Variants in TAFA1 observed in about 807,000 individuals in gnomAD.
The protein encoded by TAFA1 is TAFA chemokine like family member 1, also known as chemokine-like protein TAFA-1.
In TAFA1, 4 loss-of-function variants were observed where a neutral mutation model predicts 18.5. The ratio of observed to expected loss-of-function variants is 0.22; its 90% CI spans 0.11 to 0.49. TAFA1 has a LOEUF of 0.49. Among genes scored for constraint, TAFA1 ranks in the 20% least tolerant of loss-of-function variants. TAFA1 has a pLI of 0.98. For missense variants in TAFA1, 147 were observed against 169.0 expected (o/e 0.87, Z 0.72); for synonymous variants, 56 against 55.2 (o/e 1.01, Z -0.06).
intron 2 of TAFA1, among the ~76,000 whole-genome samples, chr3:68,383,552 C>G (rs566625234): frequency 6.6e-6 from 1 of 151,998 alleles, no homozygotes; most frequent in African/African-American, 2.4e-5. Flanking sequence ...GGTGGAGAAG[C>G]TCTTACGATG....
At chr3:68,089,421 G>C (rs1438676602) in intron 2 of TAFA1, among the ~76,000 whole-genome samples, 2 of 152,174 alleles carry the variant, frequency 1.3e-5, no homozygotes, top group Non-Finnish European at 2.9e-5. Context: ...ACAGATTGGT[G>C]ATTAATTAGT....
intron 2 of TAFA1, among the ~76,000 whole-genome samples, chr3:68,025,158 G>A (rs147017389): frequency 6.6e-6 from 1 of 152,148 alleles, no homozygotes; most frequent in African/African-American, 2.4e-5. Context: ...TACTCACATC[G>A]AAAACCTAGA....
At chr3:68,389,688 A>T (rs1424557369) in intron 2 of TAFA1, among the ~76,000 whole-genome samples, 1 of 152,060 alleles carries the variant, frequency 6.6e-6, no homozygotes, top group African/African-American at 2.4e-5. Context: ...GACTGGTTAG[A>T]CAGTGGGCGC....
At chr3:68,292,251 T>C (rs1406987977) in intron 2 of TAFA1, among the ~76,000 whole-genome samples, 7 of 152,042 alleles carry the variant, frequency 4.6e-5, no homozygotes, top group Non-Finnish European at 1.0e-4. Flanking sequence ...AAGGCATCTG[T>C]CCTCTTTTCC....
At chr3:68,121,999 C>T (rs1361221274) in intron 2 of TAFA1, among the ~76,000 whole-genome samples, 1 of 152,126 alleles carries the variant, frequency 6.6e-6, no homozygotes, top group Non-Finnish European at 1.5e-5. Flanking sequence ...AAACAAAGCA[C>T]TCTGCTAGGC....
At chr3:68,084,249 A>T (rs962811353) in intron 2 of TAFA1, among the ~76,000 whole-genome samples, 1 of 152,254 alleles carries the variant, frequency 6.6e-6, no homozygotes, top group Non-Finnish European at 1.5e-5. Flanking sequence ...TTATTTTTAT[A>T]TGTGTAAAAT....
At chr3:67,994,940 G>A in the TAFA1 span, among the ~76,000 whole-genome samples, 1 of 152,034 alleles carries the variant, frequency 6.6e-6, no homozygotes, top group Non-Finnish European at 1.5e-5. Flanking sequence ...GGTTACATAA[G>A]TGAAAATCAG....
At chr3:68,535,411 T>G (rs1575959692) in intron 3 of TAFA1, among the ~76,000 whole-genome samples, 1 of 151,522 alleles carries the variant, frequency 6.6e-6, no homozygotes, top group South Asian at 2.1e-4. Context: ...CTTTAAACTC[T>G]CAATCATTCT....
At chr3:68,501,683 G>A (rs1192768516) in intron 3 of TAFA1, among the ~76,000 whole-genome samples, 1 of 152,040 alleles carries the variant, frequency 6.6e-6, no homozygotes, top group Non-Finnish European at 1.5e-5. Context: ...TGTGGTCAGT[G>A]GATAATTTAC....
intron 2 of TAFA1, among the ~76,000 whole-genome samples, chr3:68,082,138 T>C (rs996867103): frequency 6.6e-6 from 1 of 152,184 alleles, no homozygotes; most frequent in African/African-American, 2.4e-5. Context: ...CCCTTGCGCT[T>C]CCCAAGTGAG....
intron 2 of TAFA1, among the ~76,000 whole-genome samples, chr3:68,405,588 T>C (rs2106760230): frequency 6.8e-6 from 1 of 148,134 alleles, no homozygotes; most frequent in East Asian, 2.0e-4. Flanking sequence ...CAGTTCCAGC[T>C]ACATGGGAGG....
intron 3 of TAFA1, among the ~76,000 whole-genome samples, chr3:68,496,993 C>T (rs1298584076): frequency 1.3e-5 from 2 of 151,878 alleles, no homozygotes; most frequent in Non-Finnish European, 2.9e-5. Flanking sequence ...AGAGAGAGAC[C>T]TTTGAACTGC....
chr3:68,108,111 A>G (rs2065223698), intron 2 of TAFA1, among the ~76,000 whole-genome samples: 1 of 152,118 alleles, frequency 6.6e-6, no homozygotes, highest in African/African-American at 2.4e-5. Flanking sequence ...ATCACCTTTT[A>G]CAGAAGTCAC....
chr3:68,161,554 A>G (rs1039174395), intron 2 of TAFA1, among the ~76,000 whole-genome samples: 1 of 152,162 alleles, frequency 6.6e-6, no homozygotes, highest in South Asian at 2.1e-4. Context: ...ACCACCTTAC[A>G]TTTTTCCAAA....
At chr3:68,346,463 G>A (rs186384646) in intron 2 of TAFA1, among the ~76,000 whole-genome samples, 1 of 152,244 alleles carries the variant, frequency 6.6e-6, no homozygotes, top group Admixed American at 6.5e-5. Flanking sequence ...TTCAGGAGCA[G>A]ATGTGCTTAT....
chr3:68,305,913 T>G (rs1298256413), intron 2 of TAFA1, among the ~76,000 whole-genome samples: 2 of 152,190 alleles, frequency 1.3e-5, no homozygotes, highest in African/African-American at 4.8e-5. Context: ...AAGGCAGCTG[T>G]AAGTATTAAA....
chr3:68,391,902 A>AC (rs1260932311), intron 2 of TAFA1, among the ~76,000 whole-genome samples: 1 of 152,214 alleles, frequency 6.6e-6, no homozygotes, highest in East Asian at 1.9e-4. Context: ...CCACTGCAAA[A>AC]GCATATCAAA....
At chr3:68,436,017 C>T (rs1437946255) in intron 3 of TAFA1, among the ~76,000 whole-genome samples, 1 of 152,090 alleles carries the variant, frequency 6.6e-6, no homozygotes, top group Non-Finnish European at 1.5e-5. Flanking sequence ...TTAAAAGCTC[C>T]ATGAGGGATA....
At chr3:68,205,000 C>A (rs963139964) in intron 2 of TAFA1, among the ~76,000 whole-genome samples, 2 of 151,448 alleles carry the variant, frequency 1.3e-5, no homozygotes, top group Non-Finnish European at 3.0e-5. Context: ...GTAGATTGGC[C>A]AATTGCAGAT....
Sources: gnomAD v4.1 joint callset for allele counts (sites outside exome capture counted in the v4.1 genomes callset) on GRCh38, gnomAD v4.1.1 for gene constraint, MANE v1.5 for transcripts, NCBI Gene and HGNC (gene_info 2026-07-23, HGNC 2026-07-21) for gene names.